Variants in RIPOR3 observed in about 807,000 individuals in gnomAD.
RIPOR3 encodes the protein RIPOR family member 3, also known as family with sequence similarity 65 member C.
A neutral mutation model predicts 114.3 loss-of-function variants in RIPOR3; 95 were observed. The ratio of observed to expected loss-of-function variants is 0.83; its 90% confidence interval spans 0.70 to 0.99. The LOEUF is 0.99. Ranked by LOEUF, RIPOR3 falls within the 50% of genes least tolerant of loss-of-function variation. The pLI, the probability that RIPOR3 is intolerant of heterozygous loss-of-function variation, is 0.00. For missense variants in RIPOR3, 1,252 were observed against 1,266.9 expected (o/e 0.99, Z 0.18); for synonymous variants, 575 against 543.8 (o/e 1.06, Z -0.80).
At chr20:50,621,699 C>CA (rs1206739415) in intron 2 of RIPOR3, among the ~76,000 whole-genome samples, 1 of 152,210 alleles carries the variant, frequency 6.6e-6, no homozygotes, top group Non-Finnish European at 1.5e-5. Flanking sequence ...GAGGAACAAA[C>CA]AGAGTCAGAC....
intron 12 of RIPOR3, among the ~76,000 whole-genome samples, chr20:50,603,649 C>T (rs551819900): frequency 4.8e-4 from 73 of 152,328 alleles, no homozygotes; most frequent in Non-Finnish European, 9.0e-4. Context: ...TATTCCAGGG[C>T]CTTCCCATTA....
intron 1 of RIPOR3, among the ~76,000 whole-genome samples, chr20:50,687,638 G>T (rs941252748): frequency 6.6e-6 from 1 of 152,038 alleles, no homozygotes; most frequent in African/African-American, 2.4e-5. Context: ...GCAGTGGCTC[G>T]TGCCTGTAAT....
chr20:50,674,980 T>C (rs995507376), intron 1 of RIPOR3, among the ~76,000 whole-genome samples: 1 of 151,968 alleles, frequency 6.6e-6, no homozygotes, highest in African/African-American at 2.4e-5. Flanking sequence ...TAGCCAGCCA[T>C]GGTGGGAGGA....
intron 2 of RIPOR3, among the ~76,000 whole-genome samples, chr20:50,625,255 G>A (rs1435538411): frequency 2.6e-5 from 4 of 152,104 alleles, no homozygotes; most frequent in Non-Finnish European, 5.9e-5. Context: ...TAGTTTTGGT[G>A]GAGACAGGGT....
Position 50,592,390 on chromosome 20 carries a change from C to G in RIPOR3, c.2531G>C (p.Ser844Thr). The part of the protein sequence containing the change: ...DGTPRVCRAA[S>T]ARLAGAVRNR... ...CCTGACTGCACCAGCCAGGCGAGCG[C>G]TGGCCGCCCTGCACACCCTCGGAGT... is the stretch of plus-strand genomic sequence containing the variant. Residue 844 changes from serine to threonine, a missense_variant, in exon 19 of 22, where the codon AGC becomes ACC. Coordinates refer to ENST00000327979, the MANE Select transcript of RIPOR3 (RefSeq NM_001290268.2). The G allele has an allele frequency of 6.2e-7, 1 of 1,606,798 alleles. No homozygotes were observed. The highest frequency in any genetic ancestry group is 1.3e-5 in the African/African-American group (1 of 74,908).
chr20:50,665,415 CT>C (rs1418559155), intron 1 of RIPOR3, among the ~76,000 whole-genome samples: 3 of 104,728 alleles, frequency 2.9e-5, no homozygotes, highest in Non-Finnish European at 4.0e-5. Context: ...TCAGAGCCCC[CT>C]CTTCCTTTTT....
Position 50,688,686 on chromosome 20 carries a change from G to T in RIPOR3, c.3+2440C>A, listed in dbSNP as rs546019863. On this transcript the variant is annotated intron_variant, in intron 1 of 21. Transcript: ENST00000327979. Reference sequence around the variant, plus strand: ...TCTTCACATCTGCCCAGAACCCAGGGTATCTCAAGCACTAAACAGCGGGAA... The same window carrying T: ...TCTTCACATCTGCCCAGAACCCAGGTTATCTCAAGCACTAAACAGCGGGAA... Among the ~76,000 whole-genome samples the T allele has an allele frequency of 1.8e-3, 276 of 152,286 alleles. 2 individuals carry two copies. Among genetic ancestry groups the T allele is most frequent in the South Asian group, 8.7e-3 (42 of 4,832 alleles).
At chr20:50,621,114 G>T in intron 2 of RIPOR3, 2 of 145,358 alleles carry the variant, frequency 1.4e-5, no homozygotes, top group African/African-American at 4.8e-5. Flanking sequence ...ATATAGAACA[G>T]CTTGACAAAA....
At chr20:50,688,757 G>A (rs551230102) in intron 1 of RIPOR3, among the ~76,000 whole-genome samples, 12 of 152,130 alleles carry the variant, frequency 7.9e-5, no homozygotes, top group Non-Finnish European at 1.5e-4. Context: ...TGCTGTGCTG[G>A]GCAGGGAAGC....
chr20:50,609,303 G>A lies in RIPOR3; in HGVS notation c.630C>T (p.Ile210=). The change falls in exon 8 of 22, where the codon ATC becomes ATT. Residue 210 remains isoleucine, a synonymous_variant. Coordinates refer to ENST00000327979, the MANE Select transcript of RIPOR3 (RefSeq NM_001290268.2). ...TCTCAGCCCTGTTACCTTTCATCCT[G>A]ATGTGGAACTCGCCCAGGTGAACCT... ...ALEVHLGEFH[I]RMKGLVGYAR... The A allele has an allele frequency of 6.2e-7, 1 of 1,613,918 alleles. No homozygotes were observed. Among genetic ancestry groups the A allele is most frequent in the Non-Finnish European group, 8.5e-7 (1 of 1,179,858 alleles).
rs374374141 is a variant in RIPOR3 at position 50,609,678 on chromosome 20, G to C, written c.471C>G (p.Arg157=). 2 of 1,391,056 alleles carry C rather than the reference G, an allele frequency of 1.4e-6. No homozygotes were observed. Among genetic ancestry groups the C allele is most frequent in the South Asian group, 3.6e-5 (2 of 56,314 alleles). The allele number at this position is 1,391,056 out of a possible 1,614,324, so 86.2% of individuals were successfully genotyped here. ...YEDYCIQCRL[R]DGASSMQRAF... ...CCCGCTGCATGCTGGAGGCGCCGTC[G>C]CGCAGGCGGCACTGGATGCAGTAGT... is the stretch of plus-strand genomic sequence containing the variant. The change falls in exon 7 of 22, where the codon CGC becomes CGG. Residue 157 remains arginine (R), a synonymous_variant. Transcript: ENST00000327979.
rs912383368 is a variant in RIPOR3 at position 50,608,857 on chromosome 20, TC to T, written c.684+54del. On this transcript the variant is annotated intron_variant, in intron 9 of 21. Coordinates refer to ENST00000327979, the MANE Select transcript of RIPOR3 (RefSeq NM_001290268.2). ...CAACCCTGGTTCCCAGCAGCTCCCG[TC>T]CCCCAAAGACCTGGCGGGGAGCCCT... 340 of 1,606,534 alleles carry T rather than the reference TC, an allele frequency of 2.1e-4. 1 individual carries two copies. Among genetic ancestry groups the T allele is most frequent in the Admixed American group, 5.0e-4 (29 of 57,932 alleles).
At chr20:50,595,585 C>A (rs1293726884) in intron 15 of RIPOR3, 81 bp from the exon 16 acceptor site, 4 of 1,561,124 alleles carry the variant, frequency 2.6e-6, no homozygotes, top group Non-Finnish European at 3.5e-6. Flanking sequence ...CTCCCACCTG[C>A]TTGTGCCCAT....
At chr20:50,683,204 C>A (rs2086914026) in intron 1 of RIPOR3, among the ~76,000 whole-genome samples, 1 of 152,100 alleles carries the variant, frequency 6.6e-6, no homozygotes, top group African/African-American at 2.4e-5. Context: ...AAGCTAAACA[C>A]AGAATTCAAG....
intron 14 of RIPOR3, 158 bp downstream of exon 14, chr20:50,597,422 T>C (rs1322950922): frequency 5.5e-6 from 6 of 1,092,418 alleles, no homozygotes; most frequent in Non-Finnish European, 7.7e-6. Context: ...GTGGGGGATG[T>C]GCGGGGATGG....
chr20:50,595,584 G>A (rs2083260122), intron 15 of RIPOR3, 80 bp from the exon 16 acceptor site: 1 of 1,561,372 alleles, frequency 6.4e-7, no homozygotes, highest in South Asian at 1.1e-5. Flanking sequence ...GCTCCCACCT[G>A]CTTGTGCCCA....
intron 1 of RIPOR3, among the ~76,000 whole-genome samples, chr20:50,649,218 A>G (rs116329747): frequency 0.029 from 4,358 of 152,226 alleles, 218 homozygotes; most frequent in African/African-American, 0.1. Context: ...GCCAAGATGG[A>G]CAGATCACCT....
intron 2 of RIPOR3, among the ~76,000 whole-genome samples, chr20:50,625,471 C>T (rs1461980176): frequency 6.6e-6 from 1 of 152,248 alleles, no homozygotes; most frequent in African/African-American, 2.4e-5. Flanking sequence ...ACTTGCATCA[C>T]TCGCCTCTGG....
At chr20:50,607,671 G>A (rs981400417) in intron 11 of RIPOR3, among the ~76,000 whole-genome samples, 1 of 150,660 alleles carries the variant, frequency 6.6e-6, no homozygotes, top group South Asian at 2.1e-4. Context: ...TGAGGACCCC[G>A]AGGGTGCAGG....
Sources: gnomAD v4.1 joint callset for allele counts (sites outside exome capture counted in the v4.1 genomes callset) on GRCh38, gnomAD v4.1.1 for gene constraint, MANE v1.5 for transcripts, NCBI Gene and HGNC (gene_info 2026-07-23, HGNC 2026-07-21) for gene names.